C14orf93: variants seen among roughly 807,000 people sequenced by gnomAD.
C14orf93 encodes the protein uncharacterized protein C14orf93.
Under a neutral mutation model 44.0 loss-of-function variants are expected in C14orf93, and 23 were observed. That is an observed-to-expected ratio of 0.52 (90% CI 0.38 to 0.74). The LOEUF (loss-of-function observed/expected upper bound fraction) is 0.74. Ranked by LOEUF, C14orf93 falls within the 30% of genes least tolerant of loss-of-function variation. The probability of loss-of-function intolerance (pLI) is 0.00; values close to 1 mark genes in which losing one functional copy is unlikely to be tolerated. For synonymous variants in C14orf93, 253 were observed against 265.7 expected (o/e 0.95, Z 0.46); for missense variants, 579 against 678.9 (o/e 0.85, Z 1.64).
chr14:22,988,134 CTTT>C (rs376906084), intron 5 of C14orf93, 119 bp from the exon 6 acceptor site: 2,278 of 458,812 alleles, frequency 5.0e-3, no homozygotes, highest in Middle Eastern at 7.1e-3. Context: ...TAGATGAGGG[CTTT>C]TTTTTTTTTT....
chr14:23,003,857 CAT>C (rs1176882717), intron 1 of C14orf93, among the ~76,000 whole-genome samples: 495 of 19,014 alleles, frequency 0.026, 9 homozygotes, highest in Middle Eastern at 0.083. Flanking sequence ...CTAATATATT[CAT>C]ATATATATAT....
chr14:22,991,070 G>A (rs1303665104), intron 3 of C14orf93, among the ~76,000 whole-genome samples: 26 of 151,426 alleles, frequency 1.7e-4, no homozygotes, highest in Non-Finnish European at 2.5e-4. Flanking sequence ...TGCCCGCCTC[G>A]GCCTCCCAAA....
Position 22,996,025 on chromosome 14 carries a change from CT to C in C14orf93, c.840del (p.Leu282Ter). 6.2e-7 allele frequency: 1 copy of C among 1,614,158 alleles called. No homozygotes were observed. Among genetic ancestry groups the C allele is most frequent in the Non-Finnish European group, 8.5e-7 (1 of 1,180,020 alleles). ...PGSTGELRHS[L>X]GLTVSPCRTR... ...GTCCTGCATGGGGAAACGGTCAGCC[CT>C]AGAGAGTGTCTCAGCTCCCCAGTGC... On this transcript the variant is annotated frameshift_variant, in exon 3 of 7. Coordinates refer to ENST00000299088, the MANE Select transcript of C14orf93 (RefSeq NM_021944.4). LOFTEE classifies it high-confidence loss of function. The surrounding 1 kb of genome is among the most constrained non-coding windows in gnomAD (Gnocchi z 4.1).
intron 1 of C14orf93, chr14:23,002,619 G>A (rs1189042799): frequency 6.6e-6 from 1 of 152,182 alleles, no homozygotes; most frequent in Non-Finnish European, 1.5e-5. Context: ...CCTATAGAGT[G>A]CTGGCACATG....
chr14:23,000,860 A>G (rs541702841), intron 1 of C14orf93: 2 of 152,294 alleles, frequency 1.3e-5, no homozygotes, highest in African/African-American at 4.8e-5. Context: ...AAATCTGACA[A>G]TGCATTTTAA....
intron 1 of C14orf93, chr14:23,000,977 T>A (rs980470608): frequency 1.3e-5 from 2 of 152,202 alleles, no homozygotes; most frequent in Non-Finnish European, 2.9e-5. Context: ...AAAGCTTAAC[T>A]CAAATACATT....
rs1435228614 is a variant in C14orf93 at position 22,996,294 on chromosome 14, A to G, written c.598-26T>C. On this transcript the variant is annotated intron_variant, in intron 2 of 6. Transcript: ENST00000299088. This position sits in a 1 kb window ranked among gnomAD's most constrained non-coding sequence, Gnocchi z 4.1. Reference sequence around the variant, plus strand: ...CTAAGAACATAAAAAATAATAGCCTATTAGCCAGCCAGGCTTAGGGGAACC... The same window carrying G: ...CTAAGAACATAAAAAATAATAGCCTGTTAGCCAGCCAGGCTTAGGGGAACC... The G allele has an allele frequency of 1.3e-6, 2 of 1,519,004 alleles. No homozygotes were observed. Among genetic ancestry groups the G allele is most frequent in the Non-Finnish European group, 1.8e-6 (2 of 1,130,272 alleles). 94.1% of individuals were successfully genotyped at this position (1,519,004 alleles called of 1,614,324 possible). A position where few individuals can be genotyped will look rare whatever the true frequency, so the allele number is the denominator to read the frequency against.
intron 1 of C14orf93, among the ~76,000 whole-genome samples, chr14:23,009,411 G>A (rs2046776797): frequency 6.6e-6 from 1 of 151,964 alleles, no homozygotes; most frequent in Non-Finnish European, 1.5e-5. Context: ...ATCTGATATG[G>A]CACATATACA....
Position 22,993,321 on chromosome 14 carries a change from A to G in C14orf93, c.918+2627T>C, listed in dbSNP as rs554870596. Among the ~76,000 whole-genome samples the G allele has an allele frequency of 4.5e-4, 68 of 152,366 alleles. No homozygotes were observed. In the South Asian group the frequency reaches 0.014, roughly 31 times the overall value. On this transcript the variant is annotated intron_variant, in intron 3 of 6. Coordinates refer to ENST00000299088, the MANE Select transcript of C14orf93 (RefSeq NM_021944.4). ...CCTGATCCAAGGACTTTTCAGCTCC[A>G]TATTCAGAAATCCCCAATTTATCCT...
At chr14:23,003,878 A>T (rs865929812) in intron 1 of C14orf93, among the ~76,000 whole-genome samples, 3 of 16,286 alleles carry the variant, frequency 1.8e-4, no homozygotes, top group Non-Finnish European at 4.1e-4. Context: ...ATATATATAT[A>T]TATATATATA....
rs2045947385 is a variant in C14orf93, at chr14:22,995,954, T to A, written c.912A>T (p.Val304=). The change falls in exon 3 of 7, where the codon GTA becomes GTT. Residue 304 remains valine, a synonymous_variant. Coordinates refer to ENST00000299088, the MANE Select transcript of C14orf93 (RefSeq NM_021944.4). ...QKNSRRKRDL[V]LSKLVHNVHN... is the part of the protein sequence containing the mutation. ...AGAAACTGAGCTCACTCACAGAGAGTACAAGATCCCGCTTGCGCCTGGAGT... is the reference window on the plus strand; with the variant it reads ...AGAAACTGAGCTCACTCACAGAGAGAACAAGATCCCGCTTGCGCCTGGAGT... 1 of 1,591,618 alleles carries A rather than the reference T, an allele frequency of 6.3e-7. No homozygotes were observed. Among genetic ancestry groups the A allele is most frequent in the African/African-American group, 1.3e-5 (1 of 74,222 alleles).
At chr14:23,000,613 G>A (rs1008748054) in intron 1 of C14orf93, among the ~76,000 whole-genome samples, 1 of 151,456 alleles carries the variant, frequency 6.6e-6, no homozygotes, top group African/African-American at 2.4e-5. Flanking sequence ...CTACTCGGGA[G>A]GTTGAGGCAG....
chr14:22,988,898 G>A (rs2045412094), intron 5 of C14orf93, among the ~76,000 whole-genome samples: 1 of 151,920 alleles, frequency 6.6e-6, no homozygotes, highest in South Asian at 2.1e-4. Context: ...GACCAGCCTG[G>A]GCAACATAGT....
chr14:22,997,457 T>A (rs1443884850), intron 2 of C14orf93, among the ~76,000 whole-genome samples: 1 of 152,152 alleles, frequency 6.6e-6, no homozygotes, highest in African/African-American at 2.4e-5. Flanking sequence ...AGACGGAGAA[T>A]AAGGTGGAGA....
intron 3 of C14orf93, chr14:22,993,668 T>C (rs979544505): frequency 2.6e-5 from 4 of 152,192 alleles, no homozygotes; most frequent in African/African-American, 9.6e-5. Flanking sequence ...GGGAAAATAC[T>C]CTAGACAATA....
At chr14:23,007,548 C>T (rs1422911389) in intron 1 of C14orf93, among the ~76,000 whole-genome samples, 2 of 152,164 alleles carry the variant, frequency 1.3e-5, no homozygotes, top group Non-Finnish European at 2.9e-5. Flanking sequence ...GTTTCCAATA[C>T]TAGGGGCCCC....
chr14:23,000,512 T>C (rs1199780533), intron 1 of C14orf93, among the ~76,000 whole-genome samples: 1 of 152,074 alleles, frequency 6.6e-6, no homozygotes, highest in African/African-American at 2.4e-5. Context: ...GGTCAGGAGT[T>C]TGAGACCAGC....
At chr14:22,992,584 T>C (rs2045717928) in intron 3 of C14orf93, among the ~76,000 whole-genome samples, 1 of 151,774 alleles carries the variant, frequency 6.6e-6, no homozygotes, top group Admixed American at 6.6e-5. Flanking sequence ...TATTTTTATT[T>C]TTTATTTTTT....
intron 1 of C14orf93, among the ~76,000 whole-genome samples, chr14:23,002,012 G>A (rs1033026353): frequency 6.6e-6 from 1 of 151,834 alleles, no homozygotes. Flanking sequence ...AGCCGGGCGT[G>A]GTGGCGGGCG....
Sources: allele counts gnomAD v4.1 joint callset (sites outside exome capture counted in the v4.1 genomes callset), GRCh38; gene constraint gnomAD v4.1.1; non-coding constraint Gnocchi (gnomAD v3.1); transcripts MANE v1.5; gene names NCBI Gene and HGNC (gene_info 2026-07-23, HGNC 2026-07-21).